BTG4: variants seen among roughly 807,000 people sequenced by gnomAD.
BTG4 encodes the protein BTG anti-proliferation factor 4.
A neutral mutation model predicts 19.3 loss-of-function variants in BTG4; 10 were observed. The observed-to-expected ratio is 0.52, with a 90% CI of 0.32 to 0.88. The LOEUF (loss-of-function observed/expected upper bound fraction) is 0.88, where lower values mean the gene tolerates loss of function less well. Among genes scored for constraint, BTG4 ranks in the 40% least tolerant of loss-of-function variants. The pLI, the probability that BTG4 is intolerant of heterozygous loss-of-function variation, is 0.04. For missense variants in BTG4, 238 were observed against 281.9 expected, an observed-to-expected ratio of 0.84 and a Z score of 1.11; for synonymous variants, 91 against 95.7, an observed-to-expected ratio of 0.95 and a Z score of 0.29.
the BTG4 span, among the ~76,000 whole-genome samples, chr11:111,441,496 C>A: frequency 5.3e-5 from 8 of 152,116 alleles, no homozygotes; most frequent in African/African-American, 1.9e-4. Flanking sequence ...AGAGACTTCC[C>A]AGATCCCACA....
intron 5 of BTG4, among the ~76,000 whole-genome samples, chr11:111,472,691 A>G (rs1001705513): frequency 1.3e-5 from 2 of 152,166 alleles, no homozygotes; most frequent in African/African-American, 2.4e-5. Context: ...AAGTTTTCCT[A>G]TATCCTTTCC....
chr11:111,461,208 G>A, the BTG4 span, among the ~76,000 whole-genome samples: 2 of 152,182 alleles, frequency 1.3e-5, no homozygotes, highest in Admixed American at 6.5e-5. Flanking sequence ...GTGATAAAAG[G>A]TATGTGATAA....
At chr11:111,383,998 C>T in the BTG4 span, among the ~76,000 whole-genome samples, 20 of 152,152 alleles carry the variant, frequency 1.3e-4, no homozygotes, top group African/African-American at 4.3e-4. Flanking sequence ...TTGTGAATGG[C>T]ATCTTGTTTT....
chr11:111,477,890 G>A (rs1407322431), intron 5 of BTG4, among the ~76,000 whole-genome samples: 1 of 152,116 alleles, frequency 6.6e-6, no homozygotes, highest in Non-Finnish European at 1.5e-5. Flanking sequence ...ACCAGCATAA[G>A]TTGAATGGGG....
chr11:111,490,209 G>T (rs1446673307), downstream of BTG4, among the ~76,000 whole-genome samples: 2 of 151,912 alleles, frequency 1.3e-5, no homozygotes, highest in Non-Finnish European at 2.9e-5. Context: ...GAAGGTAGAG[G>T]TTGCAGGGAG....
chr11:111,403,787 T>G, the BTG4 span, among the ~76,000 whole-genome samples: 1 of 152,214 alleles, frequency 6.6e-6, no homozygotes, highest in Non-Finnish European at 1.5e-5. Context: ...GTGATGACAG[T>G]ATTGATGATA....
At chr11:111,405,399 C>G in the BTG4 span, among the ~76,000 whole-genome samples, 1 of 26,982 alleles carries the variant, frequency 3.7e-5, no homozygotes, top group Non-Finnish European at 5.9e-5. Context: ...AGCAAGACTC[C>G]GTCTCAAAAA....
chr11:111,448,120 G>A, the BTG4 span, among the ~76,000 whole-genome samples: 1 of 152,184 alleles, frequency 6.6e-6, no homozygotes, highest in African/African-American at 2.4e-5. Context: ...GCTGTCTTCT[G>A]CCATGCCCTC....
At chr11:111,439,106 T>C in the BTG4 span, among the ~76,000 whole-genome samples, 12 of 152,240 alleles carry the variant, frequency 7.9e-5, no homozygotes, top group Non-Finnish European at 1.6e-4. Flanking sequence ...GGAGGCTTCC[T>C]GGTGATTTGC....
At chr11:111,504,545 A>G (rs978326098) in intron 1 of BTG4, among the ~76,000 whole-genome samples, 1 of 152,064 alleles carries the variant, frequency 6.6e-6, no homozygotes, top group African/African-American at 2.4e-5. Context: ...CAAAAAATAC[A>G]TACATTTATA....
chr11:111,498,931 C>T (rs1300634909), intron 1 of BTG4, 129 bp from the exon 2 acceptor site: 7 of 612,902 alleles, frequency 1.1e-5, no homozygotes. Context: ...GAAAGAAGTC[C>T]TTAGTAAACT....
chr11:111,423,174 A>G, the BTG4 span, among the ~76,000 whole-genome samples: 1 of 152,108 alleles, frequency 6.6e-6, no homozygotes, highest in Non-Finnish European at 1.5e-5. Context: ...CGAGTCAGCA[A>G]GAAGGGCCAC....
At chr11:111,435,569 T>C in the BTG4 span, among the ~76,000 whole-genome samples, 7 of 152,280 alleles carry the variant, frequency 4.6e-5, no homozygotes, top group African/African-American at 1.4e-4. Context: ...ATAATACTTC[T>C]GGGTCCAGCC....
At chr11:111,435,556 AAC>A in the BTG4 span, among the ~76,000 whole-genome samples, 1 of 152,160 alleles carries the variant, frequency 6.6e-6, no homozygotes, top group Non-Finnish European at 1.5e-5. Context: ...TTGGCTGAGT[AAC>A]ATAATACTTC....
chr11:111,398,748 C>A, the BTG4 span, among the ~76,000 whole-genome samples: 1 of 151,798 alleles, frequency 6.6e-6, no homozygotes, highest in Non-Finnish European at 1.5e-5. Context: ...GCTGTCAGGC[C>A]TGGTGGTGAG....
chr11:111,478,777 CAAT>C (rs1315332420), intron 5 of BTG4, among the ~76,000 whole-genome samples: 1 of 151,852 alleles, frequency 6.6e-6, no homozygotes, highest in East Asian at 1.9e-4. Context: ...GAAAAATCAT[CAAT>C]GTTTTTAGAT....
At chr11:111,451,002 T>G in the BTG4 span, 211 of 170,518 alleles carry the variant, frequency 1.2e-3, no homozygotes, top group Non-Finnish European at 1.8e-3. Context: ...TCTTGGTCAC[T>G]GAGCCTCAAC....
intron 5 of BTG4, chr11:111,469,346 T>C (rs1863918792): frequency 6.6e-6 from 1 of 152,216 alleles, no homozygotes; most frequent in Admixed American, 6.5e-5. Flanking sequence ...TTTTACAAGG[T>C]ATTTATAACA....
At chr11:111,452,967 A>G in the BTG4 span, among the ~76,000 whole-genome samples, 4 of 152,122 alleles carry the variant, frequency 2.6e-5, no homozygotes, top group African/African-American at 7.2e-5. Context: ...AACAGAGATG[A>G]GAAGGGGAGT....
Sources: allele counts gnomAD v4.1 joint callset (sites outside exome capture counted in the v4.1 genomes callset), GRCh38; gene constraint gnomAD v4.1.1; transcripts MANE v1.5; gene names NCBI Gene and HGNC (gene_info 2026-07-23, HGNC 2026-07-21).